SLC25A21: variants seen among roughly 807,000 people sequenced by gnomAD.
SLC25A21 encodes the protein solute carrier family 25 member 21.
Under a neutral mutation model 43.8 loss-of-function variants are expected in SLC25A21, and 47 were observed. The observed-to-expected ratio is 1.07, with a 90% confidence interval of 0.85 to 1.37. The LOEUF (loss-of-function observed/expected upper bound fraction) is 1.37. Ranked by LOEUF, SLC25A21 falls within the 40% of genes most tolerant of loss-of-function variation. The pLI, the probability that SLC25A21 is intolerant of heterozygous loss-of-function variation, is 0.00. For missense variants in SLC25A21, 352 were observed against 350.2 expected (o/e 1.00, Z -0.04); for synonymous variants, 131 against 121.3 (o/e 1.08, Z -0.52).
At chr14:37,045,292 A>G (rs1273110648) in intron 1 of SLC25A21, among the ~76,000 whole-genome samples, 4 of 152,230 alleles carry the variant, frequency 2.6e-5, no homozygotes, top group Admixed American at 6.5e-5. Flanking sequence ...AATGACTACA[A>G]TTACGAAGGA....
chr14:36,685,772 C>T (rs1037927552), intron 7 of SLC25A21, among the ~76,000 whole-genome samples: 7 of 152,144 alleles, frequency 4.6e-5, no homozygotes, highest in Non-Finnish European at 1.0e-4. Flanking sequence ...ATGTGGGAGT[C>T]ACTTTCCTTT....
intron 7 of SLC25A21, among the ~76,000 whole-genome samples, chr14:36,697,724 G>T: frequency 7.4e-6 from 1 of 134,810 alleles, no homozygotes; most frequent in African/African-American, 2.8e-5. Flanking sequence ...CTGAGACTAG[G>T]ATTGCAAGCC....
At chr14:36,981,854 A>T (rs1472379964) in intron 1 of SLC25A21, among the ~76,000 whole-genome samples, 1 of 152,114 alleles carries the variant, frequency 6.6e-6, no homozygotes, top group African/African-American at 2.4e-5. Context: ...AATAAAATTA[A>T]ATTAAAAAAA....
chr14:36,785,383 G>T (rs190811752), intron 3 of SLC25A21, among the ~76,000 whole-genome samples: 1 of 152,122 alleles, frequency 6.6e-6, no homozygotes, highest in Admixed American at 6.5e-5. Flanking sequence ...ATAGTCTAAC[G>T]CATCCCTCTG....
intron 1 of SLC25A21, among the ~76,000 whole-genome samples, chr14:36,959,522 T>C (rs2138672154): frequency 6.6e-6 from 1 of 152,176 alleles, no homozygotes; most frequent in East Asian, 1.9e-4. Context: ...GCCTGAGGGT[T>C]CCTAGAGAGG....
At chr14:37,130,157 G>A (rs1378491026) in intron 1 of SLC25A21, among the ~76,000 whole-genome samples, 1 of 151,560 alleles carries the variant, frequency 6.6e-6, no homozygotes, top group African/African-American at 2.4e-5. Context: ...CAGCTAACTT[G>A]AGAGGCTAAG....
intron 7 of SLC25A21, among the ~76,000 whole-genome samples, chr14:36,709,078 G>C (rs1278327150): frequency 6.6e-6 from 1 of 151,534 alleles, no homozygotes; most frequent in Admixed American, 6.6e-5. Flanking sequence ...CGCCAGCTCG[G>C]CTCACTGCAG....
intron 3 of SLC25A21, among the ~76,000 whole-genome samples, chr14:36,742,313 A>G (rs1167615389): frequency 6.6e-6 from 1 of 152,156 alleles, no homozygotes; most frequent in Non-Finnish European, 1.5e-5. Context: ...TAATTAAAAC[A>G]ACGAAGTCCA....
At chr14:37,086,098 C>G (rs1962481172) in intron 1 of SLC25A21, among the ~76,000 whole-genome samples, 1 of 151,876 alleles carries the variant, frequency 6.6e-6, no homozygotes, top group Admixed American at 6.6e-5. Flanking sequence ...GAGCGAGGCT[C>G]CGTCTCAAAA....
chr14:37,124,231 C>T (rs1318503498), intron 1 of SLC25A21, among the ~76,000 whole-genome samples: 1 of 151,932 alleles, frequency 6.6e-6, no homozygotes, highest in African/African-American at 2.4e-5. Flanking sequence ...ACACTGAGCA[C>T]TTTGAGAGCC....
chr14:36,780,018 G>A (rs563092416), intron 3 of SLC25A21, among the ~76,000 whole-genome samples: 13 of 151,618 alleles, frequency 8.6e-5, no homozygotes, highest in Non-Finnish European at 1.3e-4. Flanking sequence ...TAATTTGATC[G>A]TACTTCTTAT....
intron 2 of SLC25A21, among the ~76,000 whole-genome samples, chr14:36,871,483 T>C (rs1890372398): frequency 6.6e-6 from 1 of 152,238 alleles, no homozygotes; most frequent in Non-Finnish European, 1.5e-5. Context: ...CATGAAATCC[T>C]TGTTTTTGTA....
At chr14:37,116,534 A>G (rs971300549) in intron 1 of SLC25A21, among the ~76,000 whole-genome samples, 1 of 152,184 alleles carries the variant, frequency 6.6e-6, no homozygotes, top group Non-Finnish European at 1.5e-5. Context: ...CTATGTTCTC[A>G]TTTTCAAAGT....
intron 3 of SLC25A21, among the ~76,000 whole-genome samples, chr14:36,796,236 C>T (rs1302644836): frequency 3.3e-5 from 5 of 152,048 alleles, no homozygotes; most frequent in Non-Finnish European, 7.3e-5. Flanking sequence ...CCTTAAAATG[C>T]AGGCAATCAT....
At position 37,063,291 on chromosome 14, in the gene SLC25A21, G is replaced by C. The variant is rs1961989244; in HGVS notation, c.70+108990C>G. Among the ~76,000 whole-genome samples, 4 of 152,074 alleles carry C rather than the reference G, an allele frequency of 2.6e-5. No individual in the cohort carries two copies. The South Asian group carries it at 8.3e-4, about 32-fold the overall frequency. The stretch of plus-strand genomic sequence containing the variant: ...GAGATGGGTGGATCACTTGAGGTCA[G>C]GAGTTCAAGACCAGCCTGATGAACA... On this transcript the variant is annotated intron_variant, in intron 1 of 9. Transcript: ENST00000331299.
At chr14:37,163,517 A>G (rs1410123975) in intron 1 of SLC25A21, among the ~76,000 whole-genome samples, 1 of 152,178 alleles carries the variant, frequency 6.6e-6, no homozygotes, top group Non-Finnish European at 1.5e-5. Flanking sequence ...TCACTTGGAA[A>G]ATAACTATCT....
intron 3 of SLC25A21, among the ~76,000 whole-genome samples, chr14:36,776,476 G>T (rs1886839496): frequency 6.6e-6 from 1 of 151,584 alleles, no homozygotes; most frequent in African/African-American, 2.4e-5. Flanking sequence ...CTGAGCTCGT[G>T]ATCCACCCGC....
At chr14:37,079,488 C>G (rs895683488) in intron 1 of SLC25A21, among the ~76,000 whole-genome samples, 28 of 152,278 alleles carry the variant, frequency 1.8e-4, no homozygotes, top group African/African-American at 6.5e-4. Context: ...TCACTTTAAC[C>G]TTGCTCCTAT....
chr14:37,104,251 C>T (rs184987679), intron 1 of SLC25A21, among the ~76,000 whole-genome samples: 3 of 152,288 alleles, frequency 2.0e-5, no homozygotes, highest in African/African-American at 7.2e-5. Context: ...CTTGTTCACC[C>T]CTTCCATGTG....
Sources: gnomAD v4.1 joint callset for allele counts (sites outside exome capture counted in the v4.1 genomes callset) on GRCh38, gnomAD v4.1.1 for gene constraint, MANE v1.5 for transcripts, NCBI Gene and HGNC (gene_info 2026-07-23, HGNC 2026-07-21) for gene names.